The following CCNL2 variants were observed in gnomAD, a reference collection of about 807,000 sequenced individuals.
CCNL2 encodes cyclin L2.
In CCNL2, 28 loss-of-function variants were observed where a neutral mutation model predicts 59.1. That is an observed-to-expected ratio of 0.47 (90% CI 0.35 to 0.65). The LOEUF (loss-of-function observed/expected upper bound fraction) is 0.65, where lower values mean the gene tolerates loss of function less well. CCNL2 is among the 30% of genes least tolerant of loss of function. The pLI is 0.00. For missense variants in CCNL2, 714 were observed against 717.4 expected, an observed-to-expected ratio of 1.00 and a Z score of 0.05; for synonymous variants, 342 against 288.6, an observed-to-expected ratio of 1.19 and a Z score of -1.88.
chr1:1,387,768 G>A lies in CCNL2; in HGVS notation c.1211+9C>T, dbSNP rs894263639. On this transcript the variant is annotated intron_variant, in intron 10 of 10. Coordinates refer to ENST00000400809, the MANE Select transcript of CCNL2 (RefSeq NM_030937.6). ...TATCGGCCTCCTGGGTGCGCCCTGA[G>A]GCACACACCTCCTCTTAGGAGACGC... is the stretch of plus-strand genomic sequence containing the variant. 3 of 1,594,202 alleles carry A rather than the reference G, an allele frequency of 1.9e-6. No individual in the cohort carries two copies. Among genetic ancestry groups the A allele is most frequent in the South Asian group, 1.1e-5 (1 of 89,932 alleles).
At chr1:1,393,019 T>C in intron 5 of CCNL2, 1 of 616,760 alleles carries the variant, frequency 1.6e-6, no homozygotes. Context: ...CAGAACCTTC[T>C]CTGCCCCTCT....
chr1:1,389,924 A>T (rs1016145625), intron 8 of CCNL2, among the ~76,000 whole-genome samples: 1 of 152,046 alleles, frequency 6.6e-6, no homozygotes, highest in Middle Eastern at 3.2e-3. Context: ...GCGCCACTGC[A>T]CTCCAGCCTG....
At chr1:1,395,328 G>C in intron 4 of CCNL2, 66 bp downstream of exon 4, 1 of 1,583,298 alleles carries the variant, frequency 6.3e-7, no homozygotes, top group Non-Finnish European at 8.6e-7. Context: ...GCACTGAGGT[G>C]GAGAGAGGCG....
chr1:1,389,941 A>G (rs974729141), intron 8 of CCNL2, among the ~76,000 whole-genome samples: 1 of 152,052 alleles, frequency 6.6e-6, no homozygotes, highest in Non-Finnish European at 1.5e-5. Flanking sequence ...CCTGGGCTGG[A>G]GCAAGACTCT....
In CCNL2 at chr1:1,390,378, A is replaced by G. The variant is rs768182819; in HGVS notation, c.865-7T>C. On this transcript the variant is annotated splice_region_variant and splice_polypyrimidine_tract_variant and intron_variant, in intron 7 of 10. Coordinates refer to ENST00000400809, the MANE Select transcript of CCNL2 (RefSeq NM_030937.6). ...CCAGGTGTGTGAGATCAACCTGCAA[A>G]AGCCAGAAGGTGTCCGTTCAGAACC... 6.2e-7 allele frequency: 1 copy of G among 1,612,140 alleles called. No individual in the cohort carries two copies. Among genetic ancestry groups the G allele is most frequent in the South Asian group, 1.1e-5 (1 of 91,056 alleles).
At chr1:1,392,509 T>TACTGC in intron 5 of CCNL2, 1 of 1,312,308 alleles carries the variant, frequency 7.6e-7, no homozygotes, top group Non-Finnish European at 9.7e-7. Flanking sequence ...AAGAGAAAGG[T>TACTGC]ACTGCATCTT....
chr1:1,391,128 G>A, intron 5 of CCNL2: 1 of 1,244,236 alleles, frequency 8.0e-7, no homozygotes, highest in Non-Finnish European at 1.0e-6. Flanking sequence ...GACAATACGT[G>A]TTGCTATGAA....
intron 5 of CCNL2, chr1:1,391,548 T>C: frequency 7.7e-7 from 1 of 1,305,246 alleles, no homozygotes; most frequent in Middle Eastern, 2.1e-4. Context: ...TCAGAGCCGC[T>C]GCCAACTGTC....
intron 8 of CCNL2, chr1:1,388,378 G>A: frequency 2.5e-6 from 1 of 393,422 alleles, no homozygotes. Context: ...AAAATTAGCT[G>A]GGCTTGGTGG....
chr1:1,396,600 G>C (rs1456473007), intron 3 of CCNL2, among the ~76,000 whole-genome samples: 1 of 75,062 alleles, frequency 1.3e-5, no homozygotes, highest in Non-Finnish European at 2.4e-5. Flanking sequence ...TTTTTTTTGA[G>C]ACAGAGTTTC....
Position 1,398,628 on chromosome 1 carries a change from T to C in CCNL2, c.332A>G (p.Tyr111Cys). Reference protein sequence around the residue: ...TGQVLFQRFFYTKSFVKHSME... With the variant: ...TGQVLFQRFFCTKSFVKHSME... ...GGAGTGCTTCACGAAGGACTTGGTA[T>C]AAAAGAACCGCTGGAACAACACCTG... Residue 111 changes from tyrosine (Y) to cysteine (C), a missense_variant, in exon 2 of 11, where the codon TAT becomes TGT. Physicochemically the swap from Tyr to Cys is radical, Grantham distance 194 (BLOSUM62 -2). Around this residue, in one of 5 missense-constraint regions of CCNL2, gnomAD observed 270 missense variants for 254.9 expected, o/e 1.06. Coordinates refer to ENST00000400809, the MANE Select transcript of CCNL2 (RefSeq NM_030937.6). 1 of 1,614,008 alleles carries C rather than the reference T, an allele frequency of 6.2e-7. No individual in the cohort carries two copies.
intron 7 of CCNL2, 23 bp from the exon 8 acceptor site, chr1:1,390,394 G>T: frequency 1.2e-6 from 2 of 1,611,374 alleles, no homozygotes; most frequent in Admixed American, 1.7e-5. Context: ...GAAGGTGTCC[G>T]TTCAGAACCA....
chr1:1,393,001 A>T (rs1243247714), intron 5 of CCNL2: 1 of 635,638 alleles, frequency 1.6e-6, no homozygotes, highest in Non-Finnish European at 2.8e-6. Context: ...CATTGCTAAA[A>T]TCGGCCCCAG....
intron 3 of CCNL2, among the ~76,000 whole-genome samples, chr1:1,396,072 A>G (rs1645002598): frequency 6.6e-6 from 1 of 151,178 alleles, no homozygotes; most frequent in Non-Finnish European, 1.5e-5. Flanking sequence ...CCAGCTACTC[A>G]GGAGGCTGAG....
chr1:1,396,969 G>C (rs972678424), intron 3 of CCNL2, among the ~76,000 whole-genome samples: 1 of 151,532 alleles, frequency 6.6e-6, no homozygotes, highest in Non-Finnish European at 1.5e-5. Context: ...GGATGGTCTC[G>C]ATCTCCTGAC....
In CCNL2 at chr1:1,394,992, G is replaced by A. The variant is rs1569975014; in HGVS notation, c.594+402C>T. On this transcript the variant is annotated intron_variant, in intron 4 of 10. Transcript: ENST00000400809. ...GAATGGCTTGAAGCCGGGAGGTGGAGGTTGTGCCTCCACTGCCACTGCCAC... is the reference window on the plus strand; with the variant it reads ...GAATGGCTTGAAGCCGGGAGGTGGAAGTTGTGCCTCCACTGCCACTGCCAC... Among the ~76,000 whole-genome samples the A allele has an allele frequency of 2.0e-5, 3 of 151,978 alleles. No individual in the cohort carries two copies. The East Asian group carries it at 5.8e-4, about 29-fold the overall frequency.
intron 3 of CCNL2, 21 bp from the exon 4 acceptor site, chr1:1,395,535 G>C: frequency 6.2e-7 from 1 of 1,613,490 alleles, no homozygotes; most frequent in South Asian, 1.1e-5. Flanking sequence ...GAGAGCACAG[G>C]GTCTGCACCA....
chr1:1,394,963 A>T (rs1380923091), intron 4 of CCNL2, among the ~76,000 whole-genome samples: 1 of 152,056 alleles, frequency 6.6e-6, no homozygotes, highest in Non-Finnish European at 1.5e-5. Context: ...AGGCTGAGGC[A>T]GGAGAATGGC....
At chr1:1,390,682 T>C in intron 6 of CCNL2, 84 bp downstream of exon 6, 4 of 1,494,496 alleles carry the variant, frequency 2.7e-6, no homozygotes, top group South Asian at 1.1e-5. Flanking sequence ...TTAGAGTAAT[T>C]TGAAGAATAA....
Sources: gnomAD v4.1 joint callset for allele counts (sites outside exome capture counted in the v4.1 genomes callset) on GRCh38, gnomAD v4.1.1 for gene constraint, gnomAD v4.1.1 regional missense constraint, MANE v1.5 for transcripts, NCBI Gene and HGNC (gene_info 2026-07-23, HGNC 2026-07-21) for gene names.